Variants in FRMPD2 observed in about 807,000 individuals in gnomAD.
FRMPD2 encodes the protein FERM and PDZ domain containing 2.
Under a neutral mutation model 140.1 loss-of-function variants are expected in FRMPD2, and 96 were observed. The ratio of observed to expected loss-of-function variants is 0.69; its 90% CI spans 0.58 to 0.81. FRMPD2 has a LOEUF of 0.81. FRMPD2 is among the 40% of genes least tolerant of loss of function. The pLI, the probability that FRMPD2 is intolerant of heterozygous loss-of-function variation, is 0.00. For missense variants in FRMPD2, 1,240 were observed against 1,447.4 expected (o/e 0.86, Z 2.32); for synonymous variants, 449 against 547.6 (o/e 0.82, Z 2.52).
At chr10:48,221,896 G>A (rs1476512892) in intron 12 of FRMPD2, among the ~76,000 whole-genome samples, 2 of 151,772 alleles carry the variant, frequency 1.3e-5, no homozygotes, top group Non-Finnish European at 2.9e-5. Flanking sequence ...GTAGATGGGT[G>A]GGTGAGTGGA....
chr10:48,251,362 T>A (rs562900961), intron 2 of FRMPD2, among the ~76,000 whole-genome samples: 1 of 152,384 alleles, frequency 6.6e-6, no homozygotes, highest in East Asian at 1.9e-4. Flanking sequence ...GAGTCAGGCC[T>A]GCCCTCCCAG....
At chr10:48,193,851 C>T (rs1399120214) in intron 15 of FRMPD2, among the ~76,000 whole-genome samples, 1 of 152,154 alleles carries the variant, frequency 6.6e-6, no homozygotes, top group East Asian at 1.9e-4. Context: ...ACCCCCCTCT[C>T]TTCTCTACAA....
intron 6 of FRMPD2, among the ~76,000 whole-genome samples, chr10:48,240,148 T>C (rs1464612252): frequency 6.6e-6 from 1 of 152,230 alleles, no homozygotes; most frequent in Non-Finnish European, 1.5e-5. Context: ...TCATTTGATA[T>C]AAATAACTGT....
chr10:48,219,115 G>A (rs981479386), intron 12 of FRMPD2, among the ~76,000 whole-genome samples: 3 of 152,176 alleles, frequency 2.0e-5, no homozygotes, highest in Non-Finnish European at 4.4e-5. Context: ...GACATTATGG[G>A]AAAGGGCATT....
chr10:48,255,570 C>A (rs1459783276), intron 1 of FRMPD2, among the ~76,000 whole-genome samples: 1 of 152,168 alleles, frequency 6.6e-6, no homozygotes, highest in Non-Finnish European at 1.5e-5. Context: ...TGTTAACAAC[C>A]TACCCTGAGA....
intron 3 of FRMPD2, among the ~76,000 whole-genome samples, chr10:48,246,101 A>G (rs1840242657): frequency 6.6e-6 from 1 of 152,102 alleles, no homozygotes; most frequent in Admixed American, 6.5e-5. Flanking sequence ...CTGCACCCCC[A>G]TTTCCAGAGA....
At chr10:48,245,305 C>A (rs978731431) in intron 3 of FRMPD2, among the ~76,000 whole-genome samples, 1 of 152,220 alleles carries the variant, frequency 6.6e-6, no homozygotes, top group East Asian at 1.9e-4. Flanking sequence ...TGACATGAAA[C>A]GGCTGCTGAC....
intron 15 of FRMPD2, 42 bp downstream of exon 15, chr10:48,201,186 A>G (rs375167176): frequency 4.8e-6 from 7 of 1,464,560 alleles, no homozygotes; most frequent in Non-Finnish European, 4.6e-6. Context: ...ATGAAATAAC[A>G]AACTTGTCAA....
intron 12 of FRMPD2, among the ~76,000 whole-genome samples, chr10:48,219,471 C>CTGGGTG (rs1839530545): frequency 2.0e-5 from 3 of 152,166 alleles, no homozygotes; most frequent in Admixed American, 2.0e-4. Flanking sequence ...CAGAGATGGA[C>CTGGGTG]TCCACATTCA....
In FRMPD2 at chr10:48,168,653, G is replaced by A. The variant is rs782422482; in HGVS notation, c.3479C>T (p.Thr1160Met). 4 of 1,099,010 alleles carry A rather than the reference G, an allele frequency of 3.6e-6. 1 individual carries two copies. In the South Asian group the frequency reaches 5.2e-5, roughly 14 times the overall value. The allele number at this position is 1,099,010 out of a possible 1,614,324, so 68.1% of individuals were successfully genotyped here. The stretch of plus-strand genomic sequence containing the variant: ...TGGAGGGGGTCGGCAAAGGAGGAGC[G>A]TGACTTCCTGTGGGGCCCCTCTCAG... ...HLLRGAPQEVTLLLCRPPPGA... is the reference protein window; with the variant it reads ...HLLRGAPQEVMLLLCRPPPGA... Residue 1160 changes from threonine to methionine, a missense_variant, in exon 27 of 29, where the codon ACG (threonine) becomes ATG (methionine). This residue lies in a region of FRMPD2 where 30 missense variants were observed against 227.5 expected (regional missense o/e 0.13). Coordinates refer to ENST00000374201, the MANE Select transcript of FRMPD2 (RefSeq NM_001018071.4).
At chr10:48,185,500 C>A in intron 18 of FRMPD2, 53 bp downstream of exon 18, 1 of 1,253,278 alleles carries the variant, frequency 8.0e-7, no homozygotes, top group South Asian at 1.2e-5. Flanking sequence ...TACCCACCTC[C>A]CCACTTTGCC....
chr10:48,253,163 G>A (rs1304453174), intron 1 of FRMPD2, among the ~76,000 whole-genome samples: 1 of 152,134 alleles, frequency 6.6e-6, no homozygotes, highest in Admixed American at 6.5e-5. Context: ...CTTCTAGGCT[G>A]GTGTGGATAG....
intron 14 of FRMPD2, among the ~76,000 whole-genome samples, chr10:48,202,880 T>C (rs1022901353): frequency 4.6e-5 from 7 of 152,152 alleles, no homozygotes; most frequent in African/African-American, 1.7e-4. Context: ...AGTTCACTGA[T>C]ACCTTGAAGT....
intron 6 of FRMPD2, 138 bp downstream of exon 6, chr10:48,240,222 T>G (rs1172465398): frequency 1.1e-5 from 10 of 931,338 alleles, no homozygotes; most frequent in Non-Finnish European, 1.6e-5. Context: ...CCCCTTCTCT[T>G]CAGGGGCTTC....
chr10:48,231,008 C>T (rs1035893793), intron 10 of FRMPD2, among the ~76,000 whole-genome samples: 1 of 152,194 alleles, frequency 6.6e-6, no homozygotes, highest in African/African-American at 2.4e-5. Flanking sequence ...CTTTCCAAAC[C>T]TCCATGTTGC....
At chr10:48,197,267 G>A (rs1243610072) in intron 15 of FRMPD2, among the ~76,000 whole-genome samples, 9 of 152,044 alleles carry the variant, frequency 5.9e-5, no homozygotes, top group South Asian at 2.1e-4. Context: ...CAAAACCCCC[G>A]TGAGCAGGAG....
chr10:48,227,323 G>A (rs780539143), intron 10 of FRMPD2, among the ~76,000 whole-genome samples: 2 of 152,098 alleles, frequency 1.3e-5, no homozygotes, highest in Non-Finnish European at 2.9e-5. Flanking sequence ...TGTCTCAAGA[G>A]CTCTGTAGCC....
chr10:48,177,843 C>T (rs1304004016), intron 22 of FRMPD2: 1 of 447,902 alleles, frequency 2.2e-6, no homozygotes, highest in Non-Finnish European at 4.3e-6. Context: ...CTAGTGCATG[C>T]CCTGCTCATC....
intron 1 of FRMPD2, among the ~76,000 whole-genome samples, chr10:48,270,697 C>T (rs1013926556): frequency 1.3e-5 from 2 of 151,588 alleles, no homozygotes; most frequent in Non-Finnish European, 2.9e-5. Flanking sequence ...AATTCACCTT[C>T]CCCCCACCTC....
Sources: allele counts gnomAD v4.1 joint callset (sites outside exome capture counted in the v4.1 genomes callset), GRCh38; gene constraint gnomAD v4.1.1; regional missense constraint gnomAD v4.1.1; transcripts MANE v1.5; gene names NCBI Gene and HGNC (gene_info 2026-07-23, HGNC 2026-07-21).